Variants in OLA1 observed in about 807,000 individuals in gnomAD.
The protein encoded by OLA1 is obg-like ATPase 1.
OLA1 carries 14 observed loss-of-function variants against 48.4 expected under a neutral mutation model. The observed-to-expected ratio is 0.29, with a 90% CI of 0.19 to 0.45. The LOEUF is 0.45. OLA1 is among the 20% of genes least tolerant of loss of function. The pLI, the probability that OLA1 is intolerant of heterozygous loss-of-function variation, is 1.00. For synonymous variants in OLA1, 127 were observed against 150.4 expected (o/e 0.84, Z 1.14); for missense variants, 325 against 467.1 (o/e 0.70, Z 2.80).
chr2:174,162,391 A>C (rs1687030248), intron 4 of OLA1, among the ~76,000 whole-genome samples: 1 of 152,220 alleles, frequency 6.6e-6, no homozygotes, highest in African/African-American at 2.4e-5. Flanking sequence ...GTGATATGCC[A>C]AATATGTGGT....
At chr2:174,155,063 A>G (rs1300875523) in intron 4 of OLA1, among the ~76,000 whole-genome samples, 1 of 152,018 alleles carries the variant, frequency 6.6e-6, no homozygotes, top group Non-Finnish European at 1.5e-5. Context: ...CTCTAACCAT[A>G]CCCTCTATTT....
At chr2:174,161,715 C>G (rs925206555) in intron 4 of OLA1, among the ~76,000 whole-genome samples, 1 of 132,920 alleles carries the variant, frequency 7.5e-6, no homozygotes, top group Non-Finnish European at 1.7e-5. Context: ...CACACACACA[C>G]ATAGATAGAT....
intron 2 of OLA1, among the ~76,000 whole-genome samples, chr2:174,237,575 C>A (rs1236258452): frequency 1.3e-5 from 2 of 152,062 alleles, no homozygotes; most frequent in Middle Eastern, 3.2e-3. Flanking sequence ...CAGGAAGTCC[C>A]CATCTCTACA....
chr2:174,195,842 T>A (rs1380805063), intron 4 of OLA1, among the ~76,000 whole-genome samples: 1 of 152,180 alleles, frequency 6.6e-6, no homozygotes, highest in African/African-American at 2.4e-5. Context: ...TAAAGCTTTT[T>A]ACAAAGTACA....
At chr2:174,219,301 T>G (rs1397118032) in intron 4 of OLA1, among the ~76,000 whole-genome samples, 1 of 151,268 alleles carries the variant, frequency 6.6e-6, no homozygotes, top group African/African-American at 2.4e-5. Flanking sequence ...AAAAGTATTC[T>G]AAGTATTCTA....
chr2:174,188,374 T>G (rs1687702440), intron 4 of OLA1, among the ~76,000 whole-genome samples: 1 of 150,410 alleles, frequency 6.6e-6, no homozygotes, highest in South Asian at 2.1e-4. Context: ...CTCCTAAAAA[T>G]AATAATAATA....
chr2:174,078,826 T>C (rs1684802657), intron 10 of OLA1, 142 bp downstream of exon 10: 2 of 697,346 alleles, frequency 2.9e-6, no homozygotes, highest in South Asian at 2.9e-5. Context: ...AGTCAGTTGA[T>C]AGTAACACTA....
intron 7 of OLA1, among the ~76,000 whole-genome samples, chr2:174,094,425 A>C (rs1215939661): frequency 6.6e-6 from 1 of 152,214 alleles, no homozygotes; most frequent in Non-Finnish European, 1.5e-5. Flanking sequence ...AGAAACTGAC[A>C]AGTCAATCCT....
At chr2:174,167,301 C>T (rs1320352635) in intron 4 of OLA1, among the ~76,000 whole-genome samples, 1 of 152,160 alleles carries the variant, frequency 6.6e-6, no homozygotes, top group South Asian at 2.1e-4. Flanking sequence ...TTAGCCCAGG[C>T]GCAGTGGCTC....
rs115200401 is a variant in OLA1 at position 174,183,272 on chromosome 2, G to A, written c.373+39761C>T. On this transcript the variant is annotated intron_variant, in intron 4 of 10. Coordinates refer to ENST00000284719, the MANE Select transcript of OLA1 (RefSeq NM_013341.5). Reference sequence around the variant, plus strand: ...GAAAGTAGGCCACTGGCATCAGAATGAGCTGGCCAATAGCAAAGTCAGACT... The same window carrying A: ...GAAAGTAGGCCACTGGCATCAGAATAAGCTGGCCAATAGCAAAGTCAGACT... Among the ~76,000 whole-genome samples the A allele has an allele frequency of 8.8e-3, 1,333 of 152,320 alleles. 23 individuals are homozygous for A. The highest frequency in any genetic ancestry group is 0.029 in the African/African-American group (1,226 of 41,560).
At chr2:174,080,395 G>A (rs917877544) in intron 9 of OLA1, among the ~76,000 whole-genome samples, 1 of 151,992 alleles carries the variant, frequency 6.6e-6, no homozygotes, top group African/African-American at 2.4e-5. Context: ...TTTATATTCT[G>A]TAACATACTA....
At chr2:174,182,243 G>A (rs1687560600) in intron 4 of OLA1, among the ~76,000 whole-genome samples, 4 of 152,020 alleles carry the variant, frequency 2.6e-5, no homozygotes, top group African/African-American at 4.8e-5. Context: ...AATCTCTTTC[G>A]GCCGGGCGCG....
intron 3 of OLA1, among the ~76,000 whole-genome samples, chr2:174,228,663 TA>T (rs1390925522): frequency 1.3e-5 from 2 of 152,192 alleles, no homozygotes; most frequent in Non-Finnish European, 2.9e-5. Flanking sequence ...AATATAAGAA[TA>T]AAGTAAAAAT....
intron 7 of OLA1, among the ~76,000 whole-genome samples, chr2:174,121,260 G>A (rs960090780): frequency 4.5e-4 from 69 of 152,282 alleles, no homozygotes; most frequent in African/African-American, 1.4e-3. Context: ...TCTGGCTCCA[G>A]TAGATGCCAT....
chr2:174,123,537 T>G (rs1685970048), intron 6 of OLA1, 58 bp downstream of exon 6: 1 of 1,017,284 alleles, frequency 9.8e-7, no homozygotes, highest in Non-Finnish European at 1.5e-6. Flanking sequence ...AACTCTAATT[T>G]GTTCCCTAGC....
At position 174,229,287 on chromosome 2, in the gene OLA1, A is replaced by G. The variant is rs747761561; in HGVS notation, c.245+21T>C. 9.3e-6 allele frequency: 15 copies of G among 1,608,502 alleles called. No individual in the cohort carries two copies. The African/African-American group carries it at 2.0e-4, about 22-fold the overall frequency. On this transcript the variant is annotated intron_variant, in intron 3 of 10. Transcript: ENST00000284719. ...CAATCTACACAAAATCACCAAATAA[A>G]TAGCATAAAATATCTCTTACCTTGC...
intron 5 of OLA1, 41 bp from the exon 6 acceptor site, chr2:174,123,716 T>G: frequency 9.3e-7 from 1 of 1,080,174 alleles, no homozygotes; most frequent in Non-Finnish European, 1.3e-6. Context: ...TATGAATAAC[T>G]AAACATTTAG....
intron 5 of OLA1, among the ~76,000 whole-genome samples, chr2:174,132,805 A>C (rs1234541828): frequency 6.6e-6 from 1 of 152,208 alleles, no homozygotes; most frequent in Non-Finnish European, 1.5e-5. Flanking sequence ...AAGAATGTAC[A>C]TTCTACTGTT....
chr2:174,117,665 C>T (rs1389552932), intron 7 of OLA1, among the ~76,000 whole-genome samples: 1 of 152,150 alleles, frequency 6.6e-6, no homozygotes, highest in Non-Finnish European at 1.5e-5. Flanking sequence ...AAATAATGCT[C>T]TTCCTCCTAT....
Sources: allele counts gnomAD v4.1 joint callset (sites outside exome capture counted in the v4.1 genomes callset), GRCh38; gene constraint gnomAD v4.1.1; transcripts MANE v1.5; gene names NCBI Gene and HGNC (gene_info 2026-07-23, HGNC 2026-07-21).